UGT1A9: variants seen among roughly 807,000 people sequenced by gnomAD.
UGT1A9 encodes the protein UDP-glucuronosyltransferase 1A9.
Under a neutral mutation model 45.0 loss-of-function variants are expected in UGT1A9, and 35 were observed. That is an observed-to-expected ratio of 0.78 (90% confidence interval 0.59 to 1.03). UGT1A9 has a LOEUF of 1.03. Ranked by LOEUF, UGT1A9 falls within the 50% of genes least tolerant of loss-of-function variation. The pLI is 0.00. For synonymous variants in UGT1A9, 278 were observed against 250.6 expected, an observed-to-expected ratio of 1.11 and a Z score of -1.03; for missense variants, 687 against 666.6, an observed-to-expected ratio of 1.03 and a Z score of -0.34.
Position 233,768,226 on chromosome 2 carries a change from C to A in UGT1A9, c.1082C>A (p.Pro361Gln). The A allele has an allele frequency of 6.2e-7, 1 of 1,614,202 alleles. No homozygotes were observed. The highest frequency in any genetic ancestry group is 8.5e-7 in the Non-Finnish European group (1 of 1,180,042). ...TCCCTATTTTGCATCTCAGGTCACC[C>A]GATGACCCGTGCCTTTATCACCCAT... ...WLPQNDLLGH[P>Q]MTRAFITHAG... Residue 361 changes from proline to glutamine, a missense_variant, in exon 4 of 5, where the codon CCG becomes CAG. Coordinates refer to ENST00000354728, the MANE Select transcript of UGT1A9 (RefSeq NM_021027.3).
intron 1 of UGT1A9, chr2:233,691,718 G>C: frequency 1.1e-6 from 1 of 898,996 alleles, no homozygotes; most frequent in Non-Finnish European, 1.3e-6. Flanking sequence ...CTGGCAGATG[G>C]GTGGCTGGGC....
chr2:233,716,843 C>A (rs1303779141), intron 1 of UGT1A9, among the ~76,000 whole-genome samples: 1 of 152,176 alleles, frequency 6.6e-6, no homozygotes, highest in African/African-American at 2.4e-5. Flanking sequence ...ATGGCTTCAG[C>A]TACCACATAT....
chr2:233,692,382 A>T (rs1465003326), intron 1 of UGT1A9: 1 of 155,436 alleles, frequency 6.4e-6, no homozygotes, highest in Non-Finnish European at 1.4e-5. Flanking sequence ...GATTGACTCC[A>T]AGAAAGAGGG....
At chr2:233,711,284 C>T (rs1473595982) in intron 1 of UGT1A9, among the ~76,000 whole-genome samples, 4 of 152,164 alleles carry the variant, frequency 2.6e-5, no homozygotes, top group Admixed American at 6.5e-5. Flanking sequence ...GAGTCCTAGA[C>T]GTGGGAGTAG....
Position 233,729,755 on chromosome 2 carries a change from G to T in UGT1A9, c.856-37279G>T, listed in dbSNP as rs2077920089. 1 of 1,613,802 alleles carries T rather than the reference G, an allele frequency of 6.2e-7. No homozygotes were observed. The highest frequency in any genetic ancestry group is 8.5e-7 in the Non-Finnish European group (1 of 1,179,862). On this transcript the variant is annotated intron_variant, in intron 1 of 4. Transcript: ENST00000354728. ...TCAGACCACATGACATTCATGCAAA[G>T]GGTCAAGAACATGCTCTACCCTCTG...
At chr2:233,727,899 C>T (rs1376574896) in intron 1 of UGT1A9, among the ~76,000 whole-genome samples, 1 of 152,176 alleles carries the variant, frequency 6.6e-6, no homozygotes, top group Admixed American at 6.5e-5. Context: ...CACGGCCAGG[C>T]AAGAAGACAC....
intron 1 of UGT1A9, among the ~76,000 whole-genome samples, chr2:233,728,596 G>A (rs2077730910): frequency 6.6e-6 from 1 of 152,160 alleles, no homozygotes; most frequent in South Asian, 2.1e-4. Flanking sequence ...AAACCACATA[G>A]CCAGCCTCCA....
At chr2:233,738,830 G>A (rs1258075165) in intron 1 of UGT1A9, 1 of 152,196 alleles carries the variant, frequency 6.6e-6, no homozygotes, top group African/African-American at 2.4e-5. Context: ...AAATAAGGAG[G>A]AACCAAATGT....
chr2:233,729,866 A>G (rs1305518931), intron 1 of UGT1A9: 3 of 1,613,610 alleles, frequency 1.9e-6, no homozygotes, highest in South Asian at 2.2e-5. Context: ...TCAGTGGTGG[A>G]TATTCTCAGT....
chr2:233,674,984 T>C (rs1306114636), intron 1 of UGT1A9, among the ~76,000 whole-genome samples: 1 of 152,226 alleles, frequency 6.6e-6, no homozygotes, highest in Non-Finnish European at 1.5e-5. Context: ...CTGTGTCTTA[T>C]CTGTCTGATG....
At chr2:233,680,822 A>G (rs1407196023) in intron 1 of UGT1A9, among the ~76,000 whole-genome samples, 2 of 152,166 alleles carry the variant, frequency 1.3e-5, no homozygotes, top group Non-Finnish European at 2.9e-5. Context: ...TCTGTTCAGA[A>G]TGCAGAAGCA....
intron 1 of UGT1A9, chr2:233,713,741 C>T (rs1224513754): frequency 9.9e-6 from 16 of 1,613,814 alleles, no homozygotes; most frequent in African/African-American, 1.3e-5. Context: ...ATCTTGTCAG[C>T]CATGCATCTG....
chr2:233,747,148 T>C (rs2125883163), intron 1 of UGT1A9: 2 of 1,570,870 alleles, frequency 1.3e-6, no homozygotes, highest in Non-Finnish European at 1.7e-6. Flanking sequence ...GTAATTAAGA[T>C]GAAGAAAACA....
chr2:233,769,637 G>A lies in UGT1A9; in HGVS notation c.1295+1198G>A. The A allele has an allele frequency of 6.2e-7, 1 of 1,610,100 alleles. No individual in the cohort carries two copies. Among genetic ancestry groups the A allele is most frequent in the Non-Finnish European group, 8.5e-7 (1 of 1,178,598 alleles). On this transcript the variant is annotated intron_variant, in intron 4 of 4. Transcript: ENST00000354728. This position sits in a 1 kb window ranked among gnomAD's most constrained non-coding sequence, Gnocchi z 4.4. ...GCTTGAGCAAGGGACAACAGGGGAG[G>A]ACTGATGACTGACTTCCCACCTTTG... is the stretch of plus-strand genomic sequence containing the variant.
chr2:233,698,273 C>T (rs2075433306), intron 1 of UGT1A9, among the ~76,000 whole-genome samples: 1 of 152,068 alleles, frequency 6.6e-6, no homozygotes, highest in African/African-American at 2.4e-5. Flanking sequence ...CAAACCATTT[C>T]AACACTATGA....
chr2:233,766,585 G>A (rs1016585528), intron 1 of UGT1A9, among the ~76,000 whole-genome samples: 22 of 152,180 alleles, frequency 1.4e-4, no homozygotes, highest in African/African-American at 5.3e-4. Flanking sequence ...TGGGGGTGGA[G>A]CCCTCGCCAG....
intron 1 of UGT1A9, chr2:233,718,719 G>C: frequency 6.2e-7 from 1 of 1,609,316 alleles, no homozygotes; most frequent in Admixed American, 1.7e-5. Context: ...ATTACATGCT[G>C]ATTTGCTAGG....
chr2:233,761,191 T>G, intron 1 of UGT1A9: 1 of 1,614,162 alleles, frequency 6.2e-7, no homozygotes, highest in Non-Finnish European at 8.5e-7. Context: ...GTATATTCTT[T>G]CAGATGTATT....
intron 1 of UGT1A9, among the ~76,000 whole-genome samples, chr2:233,673,943 T>C (rs1278771700): frequency 2.6e-5 from 4 of 152,216 alleles, no homozygotes; most frequent in African/African-American, 7.2e-5. Flanking sequence ...TTGAGTAATA[T>C]TGTGAGAGTA....
Sources: allele counts gnomAD v4.1 joint callset (sites outside exome capture counted in the v4.1 genomes callset), GRCh38; gene constraint gnomAD v4.1.1; non-coding constraint Gnocchi (gnomAD v3.1); transcripts MANE v1.5; gene names NCBI Gene and HGNC (gene_info 2026-07-23, HGNC 2026-07-21).